The following ABL1 variants were observed in gnomAD, a reference collection of about 807,000 sequenced individuals.
ABL1 encodes tyrosine-protein kinase ABL1.
ABL1 carries 11 observed loss-of-function variants against 94.7 expected under a neutral mutation model. The ratio of observed to expected loss-of-function variants is 0.12; its 90% confidence interval spans 0.07 to 0.19. The LOEUF (loss-of-function observed/expected upper bound fraction) is 0.19. Ranked by LOEUF, ABL1 falls within the 10% of genes least tolerant of loss-of-function variation. The probability of loss-of-function intolerance (pLI) is 1.00; values close to 1 mark genes in which losing one functional copy is unlikely to be tolerated. For synonymous variants in ABL1, 656 were observed against 622.4 expected (o/e 1.05, Z -0.80); for missense variants, 1,082 against 1,489.4 (o/e 0.73, Z 4.50).
chr9:130,838,638 T>C (rs912339464), intron 1 of ABL1, among the ~76,000 whole-genome samples: 1 of 152,236 alleles, frequency 6.6e-6, no homozygotes, highest in South Asian at 2.1e-4. Context: ...TATAGCAGTA[T>C]CTATTCACCA....
intron 1 of ABL1, among the ~76,000 whole-genome samples, chr9:130,783,705 G>T (rs978462725): frequency 4.6e-5 from 7 of 152,054 alleles, no homozygotes; most frequent in Admixed American, 1.3e-4. Context: ...GCCCAGGCTG[G>T]AGTGCAGTGG....
Position 130,885,116 on chromosome 9 carries a change from C to G in ABL1, c.2826C>G (p.Asn942Lys). ...CCACGAGTCTGGTTGATGCTGTGAACAGTGACGCTGCCAAGCCCAGCCAGC... is the reference window on the plus strand; with the variant it reads ...CCACGAGTCTGGTTGATGCTGTGAAGAGTGACGCTGCCAAGCCCAGCCAGC... Reference protein sequence around the residue: ...TKATSLVDAVNSDAAKPSQPG... With the variant: ...TKATSLVDAVKSDAAKPSQPG... The change falls in exon 11 of 11, where the codon AAC becomes AAG. Residue 942 changes from asparagine (N) to lysine (K), a missense_variant. Physicochemically the swap from Asn to Lys is moderately conservative, Grantham distance 94. Around this residue, in one of 7 missense-constraint regions of ABL1, gnomAD observed 780 missense variants for 835.8 expected, o/e 0.93. Transcript: ENST00000318560. 1 of 1,612,374 alleles carries G rather than the reference C, an allele frequency of 6.2e-7. No individual in the cohort carries two copies. The highest frequency in any genetic ancestry group is 8.5e-7 in the Non-Finnish European group (1 of 1,179,636).
chr9:130,818,575 T>G (rs1830319498), intron 1 of ABL1, among the ~76,000 whole-genome samples: 2 of 152,234 alleles, frequency 1.3e-5, no homozygotes, highest in Non-Finnish European at 2.9e-5. Context: ...TTACAAAGAT[T>G]CTTCTGTTTT....
At chr9:130,787,149 C>T (rs1211921351) in intron 1 of ABL1, among the ~76,000 whole-genome samples, 1 of 152,156 alleles carries the variant, frequency 6.6e-6, no homozygotes, top group African/African-American at 2.4e-5. Flanking sequence ...TACTCGTAGC[C>T]TGCCCGTGTC....
intron 1 of ABL1, among the ~76,000 whole-genome samples, chr9:130,731,509 A>C (rs990326018): frequency 6.6e-6 from 1 of 151,944 alleles, no homozygotes; most frequent in Non-Finnish European, 1.5e-5. Context: ...GCGAAGGTTC[A>C]TTTTTTCCCT....
chr9:130,790,578 G>A (rs1829896002), intron 1 of ABL1, among the ~76,000 whole-genome samples: 1 of 151,584 alleles, frequency 6.6e-6, no homozygotes, highest in African/African-American at 2.4e-5. Flanking sequence ...TGAACTTCTG[G>A]ACTCATGCAG....
chr9:130,714,304 T>A, exon 1 of ABL1: 1 of 1,576,418 alleles, frequency 6.3e-7, no homozygotes, highest in South Asian at 1.2e-5. Context: ...TGGAAAGGGG[T>A]ACCTATTATT....
chr9:130,745,165 A>G (rs570853584), intron 1 of ABL1, among the ~76,000 whole-genome samples: 1 of 148,014 alleles, frequency 6.8e-6, no homozygotes, highest in East Asian at 2.0e-4. Flanking sequence ...GCTTACTGCA[A>G]CCTCCACCTC....
chr9:130,819,355 A>AAAAT lies in ABL1; in HGVS notation c.137-34693_137-34690dup, dbSNP rs1209184516. Among the ~76,000 whole-genome samples, 6 of 151,792 alleles carry AAAAT rather than the reference A, an allele frequency of 4.0e-5. No homozygotes were observed. In the East Asian group the frequency reaches 5.9e-4, roughly 15 times the overall value. On this transcript the variant is annotated intron_variant, in intron 1 of 10. Transcript: ENST00000372348. The stretch of plus-strand genomic sequence containing the variant: ...GGCAACAGAGCGAGACTCCATCTCA[A>AAAAT]AAATAAATAAATAAATAAAAGACAA...
At chr9:130,864,338 C>T (rs1173111890) in intron 4 of ABL1, among the ~76,000 whole-genome samples, 1 of 152,122 alleles carries the variant, frequency 6.6e-6, no homozygotes, top group African/African-American at 2.4e-5. Context: ...CTCCGCCTCC[C>T]CAAATTGGCG....
chr9:130,846,108 T>TGTGTGTGC (rs1043682948), intron 1 of ABL1, among the ~76,000 whole-genome samples: 4 of 145,726 alleles, frequency 2.7e-5, no homozygotes, highest in East Asian at 3.9e-4. Context: ...TGTGTGTGTG[T>TGTGTGTGC]GCTTGTGTGT....
intron 4 of ABL1, among the ~76,000 whole-genome samples, chr9:130,869,317 A>G (rs1291534567): frequency 6.6e-6 from 1 of 152,200 alleles, no homozygotes; most frequent in Non-Finnish European, 1.5e-5. Context: ...AACTGCCTTA[A>G]TAGTAATAAA....
At chr9:130,734,391 A>G (rs567229155) in intron 1 of ABL1, among the ~76,000 whole-genome samples, 2 of 143,628 alleles carry the variant, frequency 1.4e-5, no homozygotes, top group Admixed American at 7.1e-5. Flanking sequence ...TTTTTTTTGC[A>G]TGTTTAGTAG....
chr9:130,714,822 A>G (rs1831417301), intron 1 of ABL1, among the ~76,000 whole-genome samples: 1 of 152,194 alleles, frequency 6.6e-6, no homozygotes, highest in African/African-American at 2.4e-5. Flanking sequence ...CTCTTCTGAC[A>G]AGCATGGATT....
At position 130,880,365 on chromosome 9, in the gene ABL1, G is replaced by T; in HGVS notation, c.1514-135G>T. ...AAGAAATGCTAAGGGCTGTTTCTCCGGTATCCACGTGCCTTTTCTTTAGTT... is the reference window on the plus strand; with the variant it reads ...AAGAAATGCTAAGGGCTGTTTCTCCTGTATCCACGTGCCTTTTCTTTAGTT... On this transcript the variant is annotated intron_variant, in intron 9 of 10. Transcript: ENST00000318560. This position sits in a 1 kb window ranked among gnomAD's most constrained non-coding sequence, Gnocchi z 4.4. 1 of 1,158,184 alleles carries T rather than the reference G, an allele frequency of 8.6e-7. No homozygotes were observed. The highest frequency in any genetic ancestry group is 1.2e-6 in the Non-Finnish European group (1 of 814,394). 71.7% of individuals were successfully genotyped at this position (1,158,184 alleles called of 1,614,324 possible).
At chr9:130,726,590 T>C (rs7024867) in intron 1 of ABL1, among the ~76,000 whole-genome samples, 49,165 of 152,066 alleles carry the variant, frequency 0.32, 11,617 homozygotes, top group African/African-American at 0.65. Context: ...ACTTTCTCAA[T>C]TGTTTTCCAT....
rs370992010 is a variant in ABL1, at chr9:130,885,352, G to A, written c.3062G>A (p.Arg1021Gln). 12 of 1,613,538 alleles carry A rather than the reference G, an allele frequency of 7.4e-6. No individual in the cohort carries two copies. The highest frequency in any genetic ancestry group is 1.6e-4 in the Middle Eastern group (1 of 6,084). The change falls in exon 11 of 11, where the codon CGG becomes CAG. Residue 1021 changes from arginine to glutamine, a missense_variant. Coordinates refer to ENST00000318560, the MANE Select transcript of ABL1 (RefSeq NM_005157.6). ...CGGAAAACCCGCCAGCCTCCAGAGC[G>A]GATCGCCAGCGGCGCCATCACCAAG... ...SLRKTRQPPERIASGAITKGV... is the reference protein window; with the variant it reads ...SLRKTRQPPEQIASGAITKGV...
intron 3 of ABL1, 145 bp downstream of exon 3, chr9:130,855,241 T>C: frequency 2.2e-6 from 2 of 901,758 alleles, no homozygotes; most frequent in Admixed American, 2.6e-5. Flanking sequence ...CCATTAGCCT[T>C]ATGAAGACCC....
intron 1 of ABL1, among the ~76,000 whole-genome samples, chr9:130,813,801 C>T (rs549499253): frequency 3.5e-4 from 54 of 152,242 alleles, no homozygotes; most frequent in African/African-American, 1.3e-3. Flanking sequence ...TTATATAGTG[C>T]AGATGGTCCC....
Sources: gnomAD v4.1 joint callset for allele counts (sites outside exome capture counted in the v4.1 genomes callset) on GRCh38, gnomAD v4.1.1 for gene constraint, gnomAD v4.1.1 regional missense constraint, Gnocchi (gnomAD v3.1) non-coding constraint, MANE v1.5 for transcripts, NCBI Gene and HGNC (gene_info 2026-07-23, HGNC 2026-07-21) for gene names.